Variants in ZFHX3 observed in about 807,000 individuals in gnomAD.
ZFHX3 encodes the protein zinc finger homeobox protein 3.
Under a neutral mutation model 279.1 loss-of-function variants are expected in ZFHX3, and 42 were observed. The observed-to-expected ratio is 0.15, with a 90% CI of 0.12 to 0.19. The LOEUF is 0.19. Ranked by LOEUF, ZFHX3 falls within the 10% of genes least tolerant of loss-of-function variation. The pLI is 1.00. For missense variants in ZFHX3, 4,981 were observed against 4,754.0 expected, an observed-to-expected ratio of 1.05 and a Z score of -1.40; for synonymous variants, 2,293 against 1,957.8, an observed-to-expected ratio of 1.17 and a Z score of -4.52.
At chr16:73,230,163 G>C (rs1486606629) in intron 5 of ZFHX3, among the ~76,000 whole-genome samples, 1 of 152,174 alleles carries the variant, frequency 6.6e-6, no homozygotes, top group African/African-American at 2.4e-5. Flanking sequence ...AGAATAAATA[G>C]TTGATATATA....
chr16:73,430,455 A>C (rs2017890675), intron 3 of ZFHX3, among the ~76,000 whole-genome samples: 1 of 152,174 alleles, frequency 6.6e-6, no homozygotes, highest in African/African-American at 2.4e-5. Context: ...CTTTCTGGGC[A>C]CTGTTCTAGG....
chr16:73,596,458 T>C (rs1278310740), intron 2 of ZFHX3, among the ~76,000 whole-genome samples: 1 of 152,164 alleles, frequency 6.6e-6, no homozygotes, highest in Non-Finnish European at 1.5e-5. Context: ...GATCTCTTCC[T>C]GCACCTCTAG....
At chr16:73,815,676 C>G (rs1960548151) in intron 1 of ZFHX3, 1 of 152,138 alleles carries the variant, frequency 6.6e-6, no homozygotes, top group Non-Finnish European at 1.5e-5. Flanking sequence ...ATTCTCCTGC[C>G]TCAGCCTCTC....
At chr16:72,967,690 G>A (rs190908061) in intron 1 of ZFHX3, among the ~76,000 whole-genome samples, 1 of 151,514 alleles carries the variant, frequency 6.6e-6, no homozygotes, top group East Asian at 1.9e-4. Context: ...GCCGAGGCGG[G>A]CAGATCACGA....
intron 2 of ZFHX3, among the ~76,000 whole-genome samples, chr16:73,562,342 T>C (rs1412285504): frequency 6.6e-6 from 1 of 152,090 alleles, no homozygotes; most frequent in East Asian, 1.9e-4. Context: ...ACACCTGTAA[T>C]CCCAGCACTT....
intron 2 of ZFHX3, among the ~76,000 whole-genome samples, chr16:73,474,984 A>T (rs538418072): frequency 7.8e-4 from 118 of 152,224 alleles, no homozygotes; most frequent in Non-Finnish European, 1.3e-3. Flanking sequence ...ACCCTGTATG[A>T]TGAGGTCACT....
intron 1 of ZFHX3, among the ~76,000 whole-genome samples, chr16:72,964,019 A>T (rs191684344): frequency 1.3e-5 from 2 of 152,358 alleles, no homozygotes; most frequent in African/African-American, 4.8e-5. Context: ...CTCCAAGAAT[A>T]TCCCATGCGG....
At chr16:73,148,544 C>T (rs1567402658) in intron 5 of ZFHX3, among the ~76,000 whole-genome samples, 1 of 129,182 alleles carries the variant, frequency 7.7e-6, no homozygotes, top group Non-Finnish European at 1.6e-5. Context: ...CTTCGTCTGG[C>T]AAATGCTGGG....
intron 5 of ZFHX3, among the ~76,000 whole-genome samples, chr16:73,178,643 C>T (rs1260701164): frequency 6.6e-6 from 1 of 152,134 alleles, no homozygotes; most frequent in Non-Finnish European, 1.5e-5. Context: ...AAATTCAACA[C>T]AATAGTTTAT....
rs888029375 is a variant in ZFHX3 at position 73,096,915 on chromosome 16, T to C, written c.-896-3317A>G. Among the ~76,000 whole-genome samples, 3 of 152,156 alleles carry C rather than the reference T, an allele frequency of 2.0e-5. No individual in the cohort carries two copies. The East Asian group carries it at 5.8e-4, about 29-fold the overall frequency. Reference sequence around the variant, plus strand: ...GCACCTTTGCCCAAAACACAGGAGATGAGATCTTAAAACACAGCCATAAGT... The same window carrying C: ...GCACCTTTGCCCAAAACACAGGAGACGAGATCTTAAAACACAGCCATAAGT... On this transcript the variant is annotated intron_variant, in intron 7 of 17. Transcript: ENST00000641206.
intron 5 of ZFHX3, among the ~76,000 whole-genome samples, chr16:73,219,512 G>T (rs1271892454): frequency 6.6e-6 from 1 of 152,210 alleles, no homozygotes; most frequent in Non-Finnish European, 1.5e-5. Context: ...TACAACTGGG[G>T]CAGGATAATA....
intron 2 of ZFHX3, among the ~76,000 whole-genome samples, chr16:73,563,238 G>T (rs1407571844): frequency 2.0e-4 from 27 of 138,440 alleles, no homozygotes; most frequent in South Asian, 4.9e-4. Context: ...TTTTTGTTTT[G>T]TTTTTGTTTT....
chr16:72,879,325 C>T (rs1322345737), intron 4 of ZFHX3, among the ~76,000 whole-genome samples: 3 of 152,166 alleles, frequency 2.0e-5, no homozygotes, highest in Non-Finnish European at 1.5e-5. Context: ...TTGTAAGGCT[C>T]TAGGTAGCAT....
chr16:72,783,368 ACAACT>A lies in ZFHX3; in HGVS notation c.*3791_*3795del, dbSNP rs1485173493. The stretch of plus-strand genomic sequence containing the variant: ...GTGGGCAGTATCTCAGCGCCAACAA[ACAACT>A]CAATTTATGCTTCTATTTAAAATGT... On this transcript the variant is annotated 3_prime_UTR_variant, in exon 10 of 10. Transcript: ENST00000268489. 2.0e-5 allele frequency: 3 copies of A among 152,482 alleles called. No homozygotes were observed. The highest frequency in any genetic ancestry group is 4.4e-5 in the Non-Finnish European group (3 of 68,026). 9.4% of individuals were successfully genotyped at this position (152,482 alleles called of 1,614,324 possible).
At position 73,023,588 on chromosome 16, in the gene ZFHX3, G is replaced by A. The variant is rs368255829; in HGVS notation, c.-50+24164C>T. On this transcript the variant is annotated intron_variant, in intron 1 of 9. Coordinates refer to ENST00000268489, the MANE Select transcript of ZFHX3 (RefSeq NM_006885.4). ...GCGCTACAGGCAGCACTGTGCTTAC[G>A]CAGGTCACACACCTAGGAGCCGGAA... 3.3e-5 allele frequency among the ~76,000 whole-genome samples: 5 copies of A among 152,346 alleles called. 1 individual carries two copies. The highest frequency in any genetic ancestry group is 6.5e-5 in the Admixed American group (1 of 15,306).
intron 1 of ZFHX3, among the ~76,000 whole-genome samples, chr16:73,031,925 TA>T (rs1964717373): frequency 6.6e-6 from 1 of 152,018 alleles, no homozygotes; most frequent in East Asian, 1.9e-4. Context: ...ATGCACATTC[TA>T]GAACCTTATA....
intron 5 of ZFHX3, among the ~76,000 whole-genome samples, chr16:73,195,813 G>A (rs1239944391): frequency 6.6e-6 from 1 of 152,170 alleles, no homozygotes; most frequent in Non-Finnish European, 1.5e-5. Flanking sequence ...GGCAGGAAGT[G>A]CTAGAGAGAG....
chr16:73,451,322 C>T (rs2018278803), intron 3 of ZFHX3, among the ~76,000 whole-genome samples: 1 of 152,174 alleles, frequency 6.6e-6, no homozygotes, highest in Non-Finnish European at 1.5e-5. Flanking sequence ...AACTAAGAAT[C>T]GAGAGCCCCT....
At chr16:73,717,366 A>T (rs1163741185) in intron 1 of ZFHX3, among the ~76,000 whole-genome samples, 2 of 151,768 alleles carry the variant, frequency 1.3e-5, no homozygotes, top group African/African-American at 4.9e-5. Context: ...CATTTGACTT[A>T]TTCCCTTTGT....
Sources: gnomAD v4.1 joint callset for allele counts (sites outside exome capture counted in the v4.1 genomes callset) on GRCh38, gnomAD v4.1.1 for gene constraint, MANE v1.5 for transcripts, NCBI Gene and HGNC (gene_info 2026-07-23, HGNC 2026-07-21) for gene names.